The following GRIN3A variants were observed in gnomAD, a reference collection of about 807,000 sequenced individuals.
GRIN3A encodes glutamate receptor ionotropic, NMDA 3A.
In GRIN3A, 47 loss-of-function variants were observed where a neutral mutation model predicts 92.4. The ratio of observed to expected loss-of-function variants is 0.51; its 90% CI spans 0.40 to 0.65. GRIN3A has a LOEUF of 0.65. Ranked by LOEUF, GRIN3A falls within the 30% of genes least tolerant of loss-of-function variation. The probability of loss-of-function intolerance (pLI) is 0.00; values close to 1 mark genes in which losing one functional copy is unlikely to be tolerated. For missense variants in GRIN3A, 1,324 were observed against 1,393.1 expected, an observed-to-expected ratio of 0.95 and a Z score of 0.79; for synonymous variants, 527 against 540.6, an observed-to-expected ratio of 0.97 and a Z score of 0.35.
At chr9:101,692,130 A>G (rs1829627927) in intron 1 of GRIN3A, among the ~76,000 whole-genome samples, 1 of 152,032 alleles carries the variant, frequency 6.6e-6, no homozygotes, top group South Asian at 2.1e-4. Context: ...TTTCTTGTCT[A>G]TTTTCATACA....
chr9:101,678,633 G>A (rs1424355451), intron 2 of GRIN3A, among the ~76,000 whole-genome samples: 1 of 152,104 alleles, frequency 6.6e-6, no homozygotes, highest in East Asian at 1.9e-4. Context: ...TGAAACTGTA[G>A]GGTGGAAGGA....
At chr9:101,700,055 C>G (rs1829734886) in intron 1 of GRIN3A, among the ~76,000 whole-genome samples, 1 of 152,140 alleles carries the variant, frequency 6.6e-6, no homozygotes, top group African/African-American at 2.4e-5. Flanking sequence ...GCCCCATCAC[C>G]CTCTGTACAA....
Position 101,687,002 on chromosome 9 carries a change from T to C in GRIN3A, c.898A>G (p.Asn300Asp), listed in dbSNP as rs760295665. The change falls in exon 2 of 9, where the codon AAC (asparagine) becomes GAC (aspartate). Residue 300 changes from asparagine to aspartate, a missense_variant. Physicochemically the swap from Asn to Asp is conservative, Grantham distance 23. Transcript: ENST00000361820. The part of the protein sequence containing the change: ...HLGSIINITA[N>D]LPSTQDLLSF... ...AAGAGGTCCTGGGTGGAGGGGAGGTTAGCGGTGATGTTGATGATAGAACCA... is the reference window on the plus strand; with the variant it reads ...AAGAGGTCCTGGGTGGAGGGGAGGTCAGCGGTGATGTTGATGATAGAACCA... The C allele has an allele frequency of 1.2e-6, 2 of 1,613,952 alleles. No individual in the cohort carries two copies. The highest frequency in any genetic ancestry group is 8.5e-7 in the Non-Finnish European group (1 of 1,179,996).
At chr9:101,732,089 TG>T (rs2119045412) in intron 1 of GRIN3A, among the ~76,000 whole-genome samples, 1 of 152,344 alleles carries the variant, frequency 6.6e-6, no homozygotes, top group South Asian at 2.1e-4. Context: ...TATTTACTGT[TG>T]CCACTAAAAT....
intron 3 of GRIN3A, among the ~76,000 whole-genome samples, chr9:101,634,466 T>A (rs1412055608): frequency 6.6e-6 from 1 of 151,200 alleles, no homozygotes; most frequent in Non-Finnish European, 1.5e-5. Flanking sequence ...AGCTAATATT[T>A]TATAATATTT....
intron 4 of GRIN3A, among the ~76,000 whole-genome samples, chr9:101,626,742 T>C (rs1378179495): frequency 2.0e-5 from 3 of 152,230 alleles, no homozygotes; most frequent in East Asian, 3.8e-4. Flanking sequence ...TCTGCAAACA[T>C]CAAGGACCTA....
chr9:101,715,725 AG>A (rs1829937434), intron 1 of GRIN3A, among the ~76,000 whole-genome samples: 3 of 152,194 alleles, frequency 2.0e-5, no homozygotes, highest in Admixed American at 6.5e-5. Flanking sequence ...CAATTTCAGG[AG>A]TTCATTCATT....
At chr9:101,667,415 A>G (rs1467950489) in intron 3 of GRIN3A, among the ~76,000 whole-genome samples, 1 of 151,942 alleles carries the variant, frequency 6.6e-6, no homozygotes, top group Non-Finnish European at 1.5e-5. Context: ...ACTTTCTTCC[A>G]TTGTAATGAG....
At chr9:101,679,137 C>T (rs1476443301) in intron 2 of GRIN3A, among the ~76,000 whole-genome samples, 1 of 152,198 alleles carries the variant, frequency 6.6e-6, no homozygotes, top group Non-Finnish European at 1.5e-5. Flanking sequence ...ACCAGTCAAA[C>T]ATCTATCCTA....
chr9:101,587,618 A>AT (rs1255061826), intron 6 of GRIN3A, among the ~76,000 whole-genome samples: 4 of 152,292 alleles, frequency 2.6e-5, no homozygotes, highest in African/African-American at 9.6e-5. Flanking sequence ...CCTATTAAAT[A>AT]TTTTTCCCCA....
chr9:101,669,512 T>A (rs1829287939), intron 3 of GRIN3A, among the ~76,000 whole-genome samples: 1 of 152,112 alleles, frequency 6.6e-6, no homozygotes, highest in East Asian at 1.9e-4. Flanking sequence ...CCTTAGCTAA[T>A]TCTGCCATCT....
chr9:101,603,660 C>T, intron 6 of GRIN3A, among the ~76,000 whole-genome samples: 1 of 152,172 alleles, frequency 6.6e-6, no homozygotes, highest in East Asian at 1.9e-4. Flanking sequence ...CTATAATTTA[C>T]TTGTGGGTTT....
Position 101,619,641 on chromosome 9 carries a change from A to G in GRIN3A, c.2614+3677T>C, listed in dbSNP as rs368347304. Among the ~76,000 whole-genome samples the G allele has an allele frequency of 1.4e-3, 218 of 152,356 alleles. 1 individual carries two copies. Among genetic ancestry groups the G allele is most frequent in the African/African-American group, 5.1e-3 (214 of 41,570 alleles). On this transcript the variant is annotated intron_variant, in intron 5 of 8. Transcript: ENST00000361820. The stretch of plus-strand genomic sequence containing the variant: ...ATAACAGCAATTTTATCCTAACCCA[A>G]GTACTCAGACTCCAGAGCCAGTGTT...
chr9:101,684,461 A>G (rs1829505632), intron 2 of GRIN3A, among the ~76,000 whole-genome samples: 1 of 151,990 alleles, frequency 6.6e-6, no homozygotes, highest in Non-Finnish European at 1.5e-5. Context: ...TAGGCTAGGC[A>G]TTGGATAAGG....
chr9:101,590,424 C>T (rs891486564), intron 6 of GRIN3A, among the ~76,000 whole-genome samples: 8 of 128,442 alleles, frequency 6.2e-5, no homozygotes, highest in African/African-American at 2.1e-4. Flanking sequence ...CTCTGTCACC[C>T]AGGCTGGAGT....
chr9:101,692,395 A>G (rs1484527816), intron 1 of GRIN3A, among the ~76,000 whole-genome samples: 1 of 152,208 alleles, frequency 6.6e-6, no homozygotes, highest in Non-Finnish European at 1.5e-5. Context: ...CAGAGAGCAC[A>G]GATTCTGCTA....
chr9:101,617,429 C>T, intron 5 of GRIN3A, among the ~76,000 whole-genome samples: 1 of 151,736 alleles, frequency 6.6e-6, no homozygotes, highest in Admixed American at 6.6e-5. Context: ...TTAAGATTCC[C>T]TAATGAAAAA....
Position 101,737,293 on chromosome 9 carries a change from T to C in GRIN3A, c.687A>G (p.Pro229=), listed in dbSNP as rs1337677. 1,495,727 of 1,613,990 alleles carry C rather than the reference T, an allele frequency of 0.93. 696,798 individuals are homozygous for C. Among genetic ancestry groups the C allele is most frequent in the Middle Eastern group, 0.97 (5,890 of 6,062 alleles). The part of the protein sequence containing the change: ...PVISIVRHEF[P]RESQNPLHLQ... ...AGGCTCCTCTCACCTGACTCTCCCGTGGAAACTCGTGGCGCACGATGCTGA... is the reference window on the plus strand; with the variant it reads ...AGGCTCCTCTCACCTGACTCTCCCGCGGAAACTCGTGGCGCACGATGCTGA... Residue 229 remains proline, a synonymous_variant, in exon 1 of 9, where the codon CCA becomes CCG. Transcript: ENST00000361820.
At chr9:101,620,414 G>A (rs965572790) in intron 5 of GRIN3A, among the ~76,000 whole-genome samples, 4 of 152,120 alleles carry the variant, frequency 2.6e-5, no homozygotes, top group Admixed American at 6.6e-5. Flanking sequence ...ATATGAATCT[G>A]GGGGGAGGCA....
Sources: gnomAD v4.1 joint callset for allele counts (sites outside exome capture counted in the v4.1 genomes callset) on GRCh38, gnomAD v4.1.1 for gene constraint, MANE v1.5 for transcripts, NCBI Gene and HGNC (gene_info 2026-07-23, HGNC 2026-07-21) for gene names.